The following ZRANB3 variants were observed in gnomAD, a reference collection of about 807,000 sequenced individuals.
ZRANB3 encodes zinc finger RANBP2-type containing 3.
Under a neutral mutation model 133.8 loss-of-function variants are expected in ZRANB3, and 125 were observed. The ratio of observed to expected loss-of-function variants is 0.93; its 90% confidence interval spans 0.81 to 1.08. ZRANB3 has a LOEUF of 1.08. Ranked by LOEUF, ZRANB3 falls within the 50% of genes least tolerant of loss-of-function variation. The pLI, the probability that ZRANB3 is intolerant of heterozygous loss-of-function variation, is 0.00. For missense variants in ZRANB3, 1,229 were observed against 1,275.5 expected (o/e 0.96, Z 0.56); for synonymous variants, 387 against 432.7 (o/e 0.89, Z 1.31).
intron 2 of ZRANB3, among the ~76,000 whole-genome samples, chr2:135,391,401 T>C (rs1408390061): frequency 6.6e-6 from 1 of 152,132 alleles, no homozygotes; most frequent in Non-Finnish European, 1.5e-5. Flanking sequence ...GTGAGCAAAG[T>C]GGTAAGTGAT....
At chr2:135,290,670 C>T (rs1042690832) in intron 8 of ZRANB3, among the ~76,000 whole-genome samples, 2 of 151,810 alleles carry the variant, frequency 1.3e-5, no homozygotes, top group Admixed American at 6.6e-5. Flanking sequence ...GGGCTCCCCC[C>T]CTCCACCCCC....
chr2:135,408,371 T>C (rs1042637255), intron 2 of ZRANB3, among the ~76,000 whole-genome samples: 1 of 152,256 alleles, frequency 6.6e-6, no homozygotes, highest in East Asian at 1.9e-4. Flanking sequence ...TTTTACACTG[T>C]TGGTGGGACT....
chr2:135,457,972 T>C (rs1055879334), intron 2 of ZRANB3, among the ~76,000 whole-genome samples: 1 of 152,134 alleles, frequency 6.6e-6, no homozygotes, highest in African/African-American at 2.4e-5. Context: ...GTCATATCTA[T>C]GAAGCCACTG....
rs180911536 is a variant in ZRANB3, at chr2:135,397,967, T to G, written c.162-7147A>C. On this transcript the variant is annotated intron_variant, in intron 2 of 20. Transcript: ENST00000264159. ...TGTTTCTCCATATCTTGCACATTTA[T>G]GAACTACATATCTTTGGAGAATTGC... Among the ~76,000 whole-genome samples, 23 of 152,330 alleles carry G rather than the reference T, an allele frequency of 1.5e-4. 1 individual carries two copies. In the East Asian group the frequency reaches 4.4e-3, roughly 29 times the overall value.
chr2:135,330,171 G>T (rs1684064970), intron 6 of ZRANB3, among the ~76,000 whole-genome samples: 1 of 152,136 alleles, frequency 6.6e-6, no homozygotes, highest in Non-Finnish European at 1.5e-5. Flanking sequence ...TACCCATTCA[G>T]TATGATATTG....
chr2:135,462,518 T>C (rs1690804796), intron 2 of ZRANB3, among the ~76,000 whole-genome samples: 2 of 152,154 alleles, frequency 1.3e-5, no homozygotes, highest in African/African-American at 4.8e-5. Flanking sequence ...CTGTCCTTTC[T>C]GTAATTTTCT....
At chr2:135,202,674 T>G in intron 20 of ZRANB3, 158 bp downstream of exon 20, 13 of 836,954 alleles carry the variant, frequency 1.6e-5, no homozygotes, top group Non-Finnish European at 2.1e-5. Flanking sequence ...ACACGGGCCT[T>G]GAGAGGAAAG....
intron 1 of ZRANB3, among the ~76,000 whole-genome samples, chr2:135,521,201 T>C (rs1293378442): frequency 6.6e-6 from 1 of 152,226 alleles, no homozygotes; most frequent in East Asian, 1.9e-4. Context: ...GTCTGAATTT[T>C]TGCCATTATG....
chr2:135,257,276 T>C (rs1679707022), intron 12 of ZRANB3, among the ~76,000 whole-genome samples: 1 of 152,240 alleles, frequency 6.6e-6, no homozygotes, highest in African/African-American at 2.4e-5. Flanking sequence ...AACCTTCTCT[T>C]GAGGTCTGGA....
chr2:135,351,145 GTCT>G (rs1259573181), intron 4 of ZRANB3, among the ~76,000 whole-genome samples: 3 of 151,916 alleles, frequency 2.0e-5, no homozygotes, highest in Non-Finnish European at 4.4e-5. Flanking sequence ...GACAGAGCCA[GTCT>G]TCTTCAATTC....
At chr2:135,352,291 C>T (rs1430362284) in intron 4 of ZRANB3, among the ~76,000 whole-genome samples, 1 of 150,562 alleles carries the variant, frequency 6.6e-6, no homozygotes, top group African/African-American at 2.4e-5. Flanking sequence ...GACATGGTGC[C>T]ACTGCATTCC....
At chr2:135,228,281 T>C (rs1694838082) in intron 13 of ZRANB3, 1 of 262,184 alleles carries the variant, frequency 3.8e-6, no homozygotes, top group Non-Finnish European at 7.2e-6. Flanking sequence ...AAATAGTATA[T>C]TTTCAGATAA....
chr2:135,413,087 C>CAT (rs761499307), intron 2 of ZRANB3, among the ~76,000 whole-genome samples: 2 of 152,122 alleles, frequency 1.3e-5, no homozygotes, highest in Admixed American at 6.6e-5. Flanking sequence ...AAAGTTATAA[C>CAT]ATATGTTGCA....
chr2:135,517,557 T>C (rs1693752034), intron 1 of ZRANB3, among the ~76,000 whole-genome samples: 1 of 152,182 alleles, frequency 6.6e-6, no homozygotes, highest in African/African-American at 2.4e-5. Flanking sequence ...TGGAGTTTGC[T>C]AGAGGTCCAC....
intron 17 of ZRANB3, among the ~76,000 whole-genome samples, chr2:135,211,367 C>T (rs1449672806): frequency 6.6e-6 from 1 of 152,026 alleles, no homozygotes; most frequent in African/African-American, 2.4e-5. Context: ...ATGGTGAAAC[C>T]CTGTCTCTAC....
intron 2 of ZRANB3, among the ~76,000 whole-genome samples, chr2:135,420,579 C>G (rs1688799150): frequency 6.6e-6 from 1 of 152,082 alleles, no homozygotes; most frequent in Admixed American, 6.6e-5. Flanking sequence ...GGCTAATTGT[C>G]TTTGAGCTAA....
At chr2:135,479,017 CCAAA>C (rs57397992) in intron 2 of ZRANB3, among the ~76,000 whole-genome samples, 10,308 of 151,850 alleles carry the variant, frequency 0.068, 703 homozygotes, top group African/African-American at 0.18. Context: ...GTAGACACTG[CCAAA>C]CAGTTTTCCA....
intron 3 of ZRANB3, among the ~76,000 whole-genome samples, chr2:135,380,666 G>A (rs1307914820): frequency 6.6e-6 from 1 of 152,198 alleles, no homozygotes; most frequent in African/African-American, 2.4e-5. Context: ...TTAAAGCAGT[G>A]TGTAGAGGGA....
chr2:135,445,352 G>A (rs1689970050), intron 2 of ZRANB3, among the ~76,000 whole-genome samples: 1 of 152,070 alleles, frequency 6.6e-6, no homozygotes, highest in South Asian at 2.1e-4. Flanking sequence ...GCTGAGGCAG[G>A]AGAATCGCTT....
Sources: gnomAD v4.1 joint callset for allele counts (sites outside exome capture counted in the v4.1 genomes callset) on GRCh38, gnomAD v4.1.1 for gene constraint, MANE v1.5 for transcripts, NCBI Gene and HGNC (gene_info 2026-07-23, HGNC 2026-07-21) for gene names.